HEG1: variants seen among roughly 807,000 people sequenced by gnomAD.
HEG1 encodes heart development protein with EGF like domains 1.
In HEG1, 56 loss-of-function variants were observed where a neutral mutation model predicts 125.6. The observed-to-expected ratio is 0.45, with a 90% confidence interval of 0.36 to 0.56. The LOEUF is 0.56. Ranked by LOEUF, HEG1 falls within the 20% of genes least tolerant of loss-of-function variation. The pLI is 0.00. For synonymous variants in HEG1, 644 were observed against 668.5 expected, an observed-to-expected ratio of 0.96 and a Z score of 0.57; for missense variants, 1,523 against 1,670.0, an observed-to-expected ratio of 0.91 and a Z score of 1.53.
chr3:125,045,691 C>T (rs1157829266), intron 1 of HEG1, among the ~76,000 whole-genome samples: 1 of 152,206 alleles, frequency 6.6e-6, no homozygotes, highest in Non-Finnish European at 1.5e-5. Context: ...CCATGTCTAC[C>T]TCTTCCTGAT....
chr3:125,002,462 T>C (rs1937015804), intron 9 of HEG1, 147 bp from the exon 10 acceptor site: 13 of 646,324 alleles, frequency 2.0e-5, no homozygotes, highest in Non-Finnish European at 3.5e-5. Flanking sequence ...GTGTCCTTTT[T>C]TTGTTCCCCT....
intron 12 of HEG1, among the ~76,000 whole-genome samples, chr3:124,996,403 G>A (rs780748696): frequency 1.3e-5 from 2 of 152,092 alleles, no homozygotes; most frequent in Non-Finnish European, 2.9e-5. Context: ...ATTTCTAAGA[G>A]GTGCAAGGAA....
chr3:125,048,599 G>T (rs1302660327), intron 1 of HEG1, among the ~76,000 whole-genome samples: 1 of 152,262 alleles, frequency 6.6e-6, no homozygotes, highest in Non-Finnish European at 1.5e-5. Flanking sequence ...AAGAGAAGGT[G>T]AGAGAGGTGG....
Position 125,020,918 on chromosome 3 carries a change from G to A in HEG1, c.1126C>T (p.Pro376Ser), listed in dbSNP as rs767598278. The A allele has an allele frequency of 5.6e-6, 9 of 1,614,032 alleles. No homozygotes were observed. The highest frequency in any genetic ancestry group is 5.9e-6 in the Non-Finnish European group (7 of 1,179,902). The change falls in exon 4 of 17, where the codon CCC becomes TCC. Residue 376 changes from proline to serine, a missense_variant. Transcript: ENST00000311127. Reference sequence around the variant, plus strand: ...TTTCTTCTCGATTCCACTGCAGAGGGTGAAAGAAGGACTGAGGATGAAGTC... The same window carrying A: ...TTTCTTCTCGATTCCACTGCAGAGGATGAAAGAAGGACTGAGGATGAAGTC... ...ATTSSSVLLS[P>S]SAVESRRNSR...
chr3:124,987,952 C>CACACATATATATATATATATATAT, intron 14 of HEG1, among the ~76,000 whole-genome samples: 1 of 54,660 alleles, frequency 1.8e-5, no homozygotes, highest in Admixed American at 2.2e-4. Context: ...CACACACACA[C>CACACATATATATATATATATATAT]ATATATATAT....
chr3:125,017,118 G>A (rs1937261774), intron 5 of HEG1, among the ~76,000 whole-genome samples: 1 of 151,516 alleles, frequency 6.6e-6, no homozygotes, highest in Non-Finnish European at 1.5e-5. Context: ...GCAGTGGCAT[G>A]ATCTCAGTTC....
chr3:125,043,394 T>C (rs553028483), intron 1 of HEG1, among the ~76,000 whole-genome samples: 1 of 151,138 alleles, frequency 6.6e-6, no homozygotes, highest in Non-Finnish European at 1.5e-5. Context: ...GACCTCAAGC[T>C]CTTTGCTTTA....
chr3:124,980,041 C>A (rs945945687), intron 14 of HEG1, among the ~76,000 whole-genome samples: 2 of 152,218 alleles, frequency 1.3e-5, no homozygotes, highest in Non-Finnish European at 2.9e-5. Context: ...TAAACACATT[C>A]TCTTCCTTAC....
Position 125,027,268 on chromosome 3 carries a change from C to A in HEG1, c.850G>T (p.Asp284Tyr), listed in dbSNP as rs1355508620. The stretch of plus-strand genomic sequence containing the variant: ...CTGTAGAAATGCAGCCAGGAGAGAT[C>A]TGGTCCTGAGGAATTTCTCTTCCTA... ...PSRKRNSSGP[D>Y]LSWLHFYRTA... Residue 284 changes from aspartate (D) to tyrosine (Y), a missense_variant, in exon 3 of 17, where the codon GAT becomes TAT. By Grantham distance (160) the Asp-to-Tyr change is radical. Coordinates refer to ENST00000311127, the MANE Select transcript of HEG1 (RefSeq NM_020733.2). The A allele has an allele frequency of 1.2e-6, 2 of 1,613,158 alleles. No individual in the cohort carries two copies. Among genetic ancestry groups the A allele is most frequent in the Admixed American group, 1.7e-5 (1 of 59,952 alleles).
intron 12 of HEG1, among the ~76,000 whole-genome samples, chr3:124,996,589 T>C (rs1241810225): frequency 1.3e-5 from 2 of 152,204 alleles, no homozygotes; most frequent in East Asian, 3.9e-4. Flanking sequence ...CCTGGAGAGC[T>C]GATGATGCGC....
rs1041679154 is a variant in HEG1, at chr3:124,970,076, T to G, written c.*576A>C. 2 of 152,476 alleles carry G rather than the reference T, an allele frequency of 1.3e-5. No homozygotes were observed. Among genetic ancestry groups the G allele is most frequent in the African/African-American group, 4.8e-5 (2 of 41,424 alleles). 9.4% of individuals were successfully genotyped at this position (152,476 alleles called of 1,614,324 possible). A position where few individuals can be genotyped will look rare whatever the true frequency, so the allele number is the denominator to read the frequency against. Reference sequence around the variant, plus strand: ...TGTAGCATAAGACAACCTAGAAACATATGAAAACACTGTCCGTTCAATGGC... The same window carrying G: ...TGTAGCATAAGACAACCTAGAAACAGATGAAAACACTGTCCGTTCAATGGC... On this transcript the variant is annotated 3_prime_UTR_variant, in exon 17 of 17. Transcript: ENST00000311127.
At chr3:125,037,643 G>GCCCTGCTGGC (rs1437498062) in intron 1 of HEG1, among the ~76,000 whole-genome samples, 1 of 152,198 alleles carries the variant, frequency 6.6e-6, no homozygotes, top group East Asian at 1.9e-4. Context: ...CCACTGCTGG[G>GCCCTGCTGGC]CCCTGCTGGC....
At chr3:125,055,124 C>T (rs1937902573) in intron 1 of HEG1, among the ~76,000 whole-genome samples, 1 of 152,148 alleles carries the variant, frequency 6.6e-6, no homozygotes, top group South Asian at 2.1e-4. Context: ...TTGTCCTTTA[C>T]AATATCCCGT....
intron 4 of HEG1, 98 bp from the exon 5 acceptor site, chr3:125,019,695 C>A: frequency 1.1e-6 from 1 of 881,670 alleles, no homozygotes. Context: ...GATTCTTTGC[C>A]AAGGAACCTG....
At chr3:125,009,678 A>G (rs1274108123) in intron 8 of HEG1, 27 bp downstream of exon 8, 1 of 1,594,028 alleles carries the variant, frequency 6.3e-7, no homozygotes, top group Non-Finnish European at 8.6e-7. Context: ...GTACGGAATA[A>G]AGTCCGAAAT....
intron 1 of HEG1, among the ~76,000 whole-genome samples, chr3:125,031,768 A>T (rs1937506416): frequency 6.6e-6 from 1 of 151,586 alleles, no homozygotes; most frequent in Non-Finnish European, 1.5e-5. Context: ...ACACATACAC[A>T]TATACACACA....
intron 14 of HEG1, among the ~76,000 whole-genome samples, chr3:124,978,508 A>G (rs1291557723): frequency 6.6e-6 from 1 of 152,188 alleles, no homozygotes; most frequent in African/African-American, 2.4e-5. Flanking sequence ...CCTGTGCACC[A>G]GCCCCGATGA....
Position 125,009,688 on chromosome 3 carries a change from T to C in HEG1, c.3193+17A>G. The C allele has an allele frequency of 1.2e-6, 2 of 1,605,646 alleles. No homozygotes were observed. Among genetic ancestry groups the C allele is most frequent in the South Asian group, 1.1e-5 (1 of 89,532 alleles). On this transcript the variant is annotated intron_variant, in intron 8 of 16. Coordinates refer to ENST00000311127, the MANE Select transcript of HEG1 (RefSeq NM_020733.2). ...TTGTGGTACGGAATAAAGTCCGAAA[T>C]AGACTAAGTCTCTTACCCAAATTGC...
At chr3:125,016,675 G>A (rs563360569) in intron 5 of HEG1, among the ~76,000 whole-genome samples, 6 of 152,330 alleles carry the variant, frequency 3.9e-5, no homozygotes, top group South Asian at 2.1e-4. Context: ...TCCACATCAC[G>A]TGAGTACTAA....
Sources: gnomAD v4.1 joint callset for allele counts (sites outside exome capture counted in the v4.1 genomes callset) on GRCh38, gnomAD v4.1.1 for gene constraint, MANE v1.5 for transcripts, NCBI Gene and HGNC (gene_info 2026-07-23, HGNC 2026-07-21) for gene names.